Variants in KCNH7 observed in about 807,000 individuals in gnomAD.
KCNH7 encodes potassium voltage-gated channel subfamily H member 7.
A neutral mutation model predicts 120.8 loss-of-function variants in KCNH7; 49 were observed. The observed-to-expected ratio is 0.41, with a 90% CI of 0.32 to 0.51. The LOEUF is 0.51. Ranked by LOEUF, KCNH7 falls within the 20% of genes least tolerant of loss-of-function variation. The pLI is 0.38. For synonymous variants in KCNH7, 547 were observed against 516.1 expected (o/e 1.06, Z -0.81); for missense variants, 1,097 against 1,446.6 (o/e 0.76, Z 3.92).
intron 2 of KCNH7, among the ~76,000 whole-genome samples, chr2:162,729,737 T>C (rs560395525): frequency 3.9e-4 from 60 of 152,206 alleles, no homozygotes; most frequent in Non-Finnish European, 7.8e-4. Flanking sequence ...TCTTTCCTCA[T>C]GAGATGTGAT....
chr2:162,390,682 C>A (rs1016036125), intron 12 of KCNH7, among the ~76,000 whole-genome samples: 3 of 151,724 alleles, frequency 2.0e-5, no homozygotes, highest in Non-Finnish European at 4.4e-5. Flanking sequence ...CACCTCCATG[C>A]CAGAATTTTA....
intron 4 of KCNH7, among the ~76,000 whole-genome samples, chr2:162,516,187 C>G (rs1030621445): frequency 6.6e-6 from 1 of 151,678 alleles, no homozygotes; most frequent in Non-Finnish European, 1.5e-5. Flanking sequence ...ATGCTGGAGG[C>G]GCTCACAGCA....
At position 162,373,438 on chromosome 2, in the gene KCNH7, G is replaced by A. The variant is rs1179645513; in HGVS notation, c.3324+32C>T. The A allele has an allele frequency of 2.8e-6, 4 of 1,420,796 alleles. No homozygotes were observed. In the Admixed American group the frequency reaches 9.8e-5, roughly 35 times the overall value. 88.0% of individuals were successfully genotyped at this position (1,420,796 alleles called of 1,614,324 possible). A position where few individuals can be genotyped will look rare whatever the true frequency, so the allele number is the denominator to read the frequency against. On this transcript the variant is annotated intron_variant, in intron 15 of 15. Coordinates refer to ENST00000332142, the MANE Select transcript of KCNH7 (RefSeq NM_033272.4). ...TGACCCCTGGAAACACACTGTGAGAGACACTCTTGGTTGGATGGTATCCAC... is the reference window on the plus strand; with the variant it reads ...TGACCCCTGGAAACACACTGTGAGAAACACTCTTGGTTGGATGGTATCCAC...
chr2:162,699,857 T>C (rs1393672213), intron 2 of KCNH7, among the ~76,000 whole-genome samples: 3 of 152,080 alleles, frequency 2.0e-5, no homozygotes, highest in Non-Finnish European at 4.4e-5. Flanking sequence ...TTTAAGATAA[T>C]GCCCTCCCTC....
intron 2 of KCNH7, among the ~76,000 whole-genome samples, chr2:162,564,500 T>C (rs1693180437): frequency 6.6e-6 from 1 of 152,150 alleles, no homozygotes; most frequent in African/African-American, 2.4e-5. Context: ...GATACTTCAC[T>C]AACCCGTAAA....
intron 6 of KCNH7, among the ~76,000 whole-genome samples, chr2:162,464,391 TC>T (rs1286886791): frequency 1.3e-5 from 2 of 151,974 alleles, no homozygotes; most frequent in East Asian, 3.9e-4. Context: ...TATCCATGTC[TC>T]CTAGGGGGAG....
intron 2 of KCNH7, among the ~76,000 whole-genome samples, chr2:162,825,418 T>C (rs182594406): frequency 6.6e-6 from 1 of 152,160 alleles, no homozygotes; most frequent in East Asian, 1.9e-4. Context: ...AATAAGGTAC[T>C]CTTTCTACTA....
intron 9 of KCNH7, among the ~76,000 whole-genome samples, chr2:162,417,418 A>G (rs889574295): frequency 6.6e-6 from 1 of 152,186 alleles, no homozygotes; most frequent in Non-Finnish European, 1.5e-5. Context: ...TTTTTGAAAC[A>G]CATCATACCC....
At chr2:162,502,571 C>A (rs1690720808) in intron 6 of KCNH7, among the ~76,000 whole-genome samples, 1 of 152,084 alleles carries the variant, frequency 6.6e-6, no homozygotes, top group Non-Finnish European at 1.5e-5. Context: ...AATTTACTGA[C>A]TACGCAGTTT....
intron 2 of KCNH7, among the ~76,000 whole-genome samples, chr2:162,825,282 A>G (rs1390995889): frequency 6.6e-6 from 1 of 152,028 alleles, no homozygotes; most frequent in African/African-American, 2.4e-5. Context: ...AATACTTAGC[A>G]TGTTTTTTTA....
chr2:162,790,061 TAAG>T (rs1027888238), intron 2 of KCNH7, among the ~76,000 whole-genome samples: 9 of 151,574 alleles, frequency 5.9e-5, no homozygotes, highest in African/African-American at 2.2e-4. Context: ...GTTGTTTTTT[TAAG>T]AAGATAAACA....
intron 6 of KCNH7, among the ~76,000 whole-genome samples, chr2:162,502,733 A>C (rs929980903): frequency 6.6e-6 from 1 of 151,998 alleles, no homozygotes; most frequent in African/African-American, 2.4e-5. Context: ...CTGTCCCACT[A>C]TCTGAGAAAG....
At chr2:162,573,418 T>C (rs576779841) in intron 2 of KCNH7, among the ~76,000 whole-genome samples, 1 of 152,146 alleles carries the variant, frequency 6.6e-6, no homozygotes, top group South Asian at 2.1e-4. Flanking sequence ...GTAATAAAAG[T>C]AATACTAATA....
chr2:162,431,856 A>C (rs1347460814), intron 8 of KCNH7, among the ~76,000 whole-genome samples: 2 of 152,018 alleles, frequency 1.3e-5, no homozygotes, highest in Non-Finnish European at 2.9e-5. Context: ...ACAAAGGAAG[A>C]AAATTGCCTA....
intron 2 of KCNH7, among the ~76,000 whole-genome samples, chr2:162,580,070 G>A (rs1693820829): frequency 6.6e-6 from 1 of 151,988 alleles, no homozygotes; most frequent in Non-Finnish European, 1.5e-5. Context: ...ACTCCAGGCT[G>A]TTCTCTGGAA....
At chr2:162,722,702 C>T (rs1014996816) in intron 2 of KCNH7, among the ~76,000 whole-genome samples, 5 of 151,332 alleles carry the variant, frequency 3.3e-5, no homozygotes, top group Admixed American at 2.6e-4. Flanking sequence ...CCCTTTCTTT[C>T]GCTTATCTTG....
intron 6 of KCNH7, among the ~76,000 whole-genome samples, chr2:162,457,224 A>C (rs907109898): frequency 6.6e-6 from 1 of 152,152 alleles, no homozygotes; most frequent in African/African-American, 2.4e-5. Context: ...ACAGTCTTAC[A>C]TTTCCTTAAG....
intron 2 of KCNH7, among the ~76,000 whole-genome samples, chr2:162,543,693 G>A (rs1559005649): frequency 6.6e-6 from 1 of 152,030 alleles, no homozygotes; most frequent in Non-Finnish European, 1.5e-5. Context: ...CTATTATTTA[G>A]TGAATGAATG....
At chr2:162,769,281 G>A (rs1337805481) in intron 2 of KCNH7, among the ~76,000 whole-genome samples, 2 of 152,018 alleles carry the variant, frequency 1.3e-5, no homozygotes, top group African/African-American at 4.8e-5. Flanking sequence ...TGTATTGCAA[G>A]CTCCCTAGAA....
Sources: gnomAD v4.1 joint callset for allele counts (sites outside exome capture counted in the v4.1 genomes callset) on GRCh38, gnomAD v4.1.1 for gene constraint, MANE v1.5 for transcripts, NCBI Gene and HGNC (gene_info 2026-07-23, HGNC 2026-07-21) for gene names.